The following DPM1 variants were observed in gnomAD, a reference collection of about 807,000 sequenced individuals.
The protein encoded by DPM1 is dolichyl-phosphate mannosyltransferase subunit 1, catalytic.
In DPM1, 27 loss-of-function variants were observed where a neutral mutation model predicts 39.0. That is an observed-to-expected ratio of 0.69 (90% CI 0.51 to 0.95). The LOEUF (loss-of-function observed/expected upper bound fraction) is 0.95, where lower values mean the gene tolerates loss of function less well. Among genes scored for constraint, DPM1 ranks in the 40% least tolerant of loss-of-function variants. The probability of loss-of-function intolerance (pLI) is 0.00; values close to 1 mark genes in which losing one functional copy is unlikely to be tolerated. For missense variants in DPM1, 307 were observed against 315.6 expected (o/e 0.97, Z 0.21); for synonymous variants, 124 against 109.0 (o/e 1.14, Z -0.86).
At chr20:50,938,518 G>A (rs1985412781) in intron 7 of DPM1, among the ~76,000 whole-genome samples, 3 of 151,410 alleles carry the variant, frequency 2.0e-5, no homozygotes, top group African/African-American at 7.3e-5. Flanking sequence ...GAGTAGCTGG[G>A]ACTACAGGCG....
intron 5 of DPM1, 67 bp from the exon 6 acceptor site, chr20:50,942,193 A>AC: frequency 7.2e-7 from 1 of 1,390,776 alleles, no homozygotes; most frequent in Non-Finnish European, 1.0e-6. Context: ...TTCATGAGCT[A>AC]CACAAACAAA....
chr20:50,937,911 C>G (rs1488765399), intron 7 of DPM1, among the ~76,000 whole-genome samples: 3 of 152,044 alleles, frequency 2.0e-5, no homozygotes, highest in Non-Finnish European at 4.4e-5. Context: ...CTCCTGGGCT[C>G]AAGATATCCT....
chr20:50,946,121 A>C (rs577270259), intron 3 of DPM1, among the ~76,000 whole-genome samples, 198 bp from the exon 4 acceptor site: 1 of 152,282 alleles, frequency 6.6e-6, no homozygotes, highest in East Asian at 1.9e-4. Context: ...CTGGCCACAC[A>C]CCCCCATTCA....
At chr20:50,941,575 G>A (rs543917267) in intron 6 of DPM1, among the ~76,000 whole-genome samples, 1 of 151,740 alleles carries the variant, frequency 6.6e-6, no homozygotes, top group African/African-American at 2.4e-5. Context: ...AGGCATGGTG[G>A]TGCAGGTCCA....
chr20:50,949,038 T>G (rs1986441974), intron 2 of DPM1, among the ~76,000 whole-genome samples: 1 of 152,122 alleles, frequency 6.6e-6, no homozygotes, highest in South Asian at 2.1e-4. Flanking sequence ...TTTTCGTATT[T>G]TTAGTAGAGA....
At chr20:50,941,494 C>CT (rs1329164506) in intron 6 of DPM1, among the ~76,000 whole-genome samples, 3 of 150,120 alleles carry the variant, frequency 2.0e-5, no homozygotes, top group Non-Finnish European at 3.0e-5. Flanking sequence ...GGCAGATCAC[C>CT]TGAGCTCAGG....
At chr20:50,936,410 T>C (rs926167244) in intron 7 of DPM1, 148 bp from the exon 8 acceptor site, 9 of 595,838 alleles carry the variant, frequency 1.5e-5, no homozygotes, top group South Asian at 1.2e-4. Flanking sequence ...TTGATGATTA[T>C]GATACATTTG....
intron 2 of DPM1, among the ~76,000 whole-genome samples, chr20:50,949,017 T>C (rs1010979152): frequency 6.6e-6 from 1 of 152,018 alleles, no homozygotes; most frequent in African/African-American, 2.4e-5. Flanking sequence ...TGCACCACCA[T>C]GCCCGGCTAA....
intron 1 of DPM1, among the ~76,000 whole-genome samples, chr20:50,956,886 G>A (rs1986851701): frequency 6.6e-6 from 1 of 152,164 alleles, no homozygotes; most frequent in South Asian, 2.1e-4. Flanking sequence ...ACCAAGCTGG[G>A]CTGACTTCAA....
At chr20:50,941,843 T>G (rs1174542693) in intron 6 of DPM1, among the ~76,000 whole-genome samples, 188 bp downstream of exon 6, 1 of 152,144 alleles carries the variant, frequency 6.6e-6, no homozygotes, top group Non-Finnish European at 1.5e-5. Flanking sequence ...TTATGCTGAT[T>G]TTTCCTTAAT....
chr20:50,957,080 AC>A (rs1300501706), intron 1 of DPM1, among the ~76,000 whole-genome samples: 98 of 152,326 alleles, frequency 6.4e-4, no homozygotes, highest in Non-Finnish European at 1.2e-3. Flanking sequence ...TATGATAGTT[AC>A]TTTCTTTAAT....
chr20:50,950,871 A>ACAAC (rs1986537645), intron 2 of DPM1, among the ~76,000 whole-genome samples: 1 of 151,766 alleles, frequency 6.6e-6, no homozygotes, highest in African/African-American at 2.4e-5. Context: ...TCCGTCTCAA[A>ACAAC]AAACAAACAA....
In DPM1 at chr20:50,945,943, C is replaced by T. The variant is rs368639812; in HGVS notation, c.296-20G>A. 39 of 1,601,020 alleles carry T rather than the reference C, an allele frequency of 2.4e-5. No individual in the cohort carries two copies. Among genetic ancestry groups the T allele is most frequent in the Non-Finnish European group, 3.3e-5 (38 of 1,169,154 alleles). On this transcript the variant is annotated intron_variant, in intron 3 of 8. Coordinates refer to ENST00000371588, the MANE Select transcript of DPM1 (RefSeq NM_003859.3). ...CAGTTCCTAAAAATGAAAGTAGATC[C>T]ATTCAAGAAAATCAACAGAAATCTT...
At chr20:50,942,001 TAATA>T in intron 6 of DPM1, 26 bp downstream of exon 6, 2 of 1,544,414 alleles carry the variant, frequency 1.3e-6, no homozygotes, top group Non-Finnish European at 1.8e-6. Flanking sequence ...GTAGTTATAC[TAATA>T]AAGAAGTTGT....
At chr20:50,942,396 C>T (rs1985919100) in intron 5 of DPM1, among the ~76,000 whole-genome samples, 1 of 151,934 alleles carries the variant, frequency 6.6e-6, no homozygotes, top group Admixed American at 6.6e-5. Context: ...ATCCCAGCTA[C>T]TCAGGAGGCT....
chr20:50,957,681 A>G lies in DPM1; in HGVS notation c.161+682T>C, dbSNP rs557228260. Among the ~76,000 whole-genome samples the G allele has an allele frequency of 1.7e-4, 26 of 152,372 alleles. 1 individual carries two copies. In the South Asian group the frequency reaches 5.2e-3, roughly 30 times the overall value. On this transcript the variant is annotated intron_variant, in intron 1 of 8. Transcript: ENST00000371588. ...ATTTGCTATGTTTGTACATGTTAAT[A>G]TGAGAAAAAGTCTTCAAAGATTTCA...
At position 50,958,454 on chromosome 20, in the gene DPM1, G is replaced by A. The variant is rs1171951332; in HGVS notation, c.70C>T (p.Gln24Ter). 1.9e-6 allele frequency: 3 copies of A among 1,614,110 alleles called. No homozygotes were observed. Among genetic ancestry groups the A allele is most frequent in the Non-Finnish European group, 2.5e-6 (3 of 1,180,036 alleles). Residue 24 changes from glutamine to a stop codon, truncating the protein, a stop_gained, in exon 1 of 9, where the codon CAG becomes TAG. Transcript: ENST00000371588. LOFTEE classifies it high-confidence loss of function. Reference sequence around the variant, plus strand: ...GGTAAAAGCACCGAATATTTGTTCTGTCGTGGACTGCGCACTTCCAGCTCC... The same window carrying A: ...GGTAAAAGCACCGAATATTTGTTCTATCGTGGACTGCGCACTTCCAGCTCC... Reference protein sequence around the residue: ...RRELEVRSPRQNKYSVLLPTY... With the variant: ...RRELEVRSPR
intron 2 of DPM1, among the ~76,000 whole-genome samples, chr20:50,953,975 A>T (rs6020865): frequency 0.065 from 9,877 of 152,218 alleles, 731 homozygotes; most frequent in African/African-American, 0.18. Context: ...GAAGGTTTTC[A>T]GAGAAGACTT....
intron 1 of DPM1, among the ~76,000 whole-genome samples, chr20:50,957,756 T>G (rs1986906674): frequency 6.6e-6 from 1 of 152,234 alleles, no homozygotes; most frequent in Non-Finnish European, 1.5e-5. Context: ...TCGTACTGAC[T>G]CCAGGATTTT....
Sources: gnomAD v4.1 joint callset for allele counts (sites outside exome capture counted in the v4.1 genomes callset) on GRCh38, gnomAD v4.1.1 for gene constraint, MANE v1.5 for transcripts, NCBI Gene and HGNC (gene_info 2026-07-23, HGNC 2026-07-21) for gene names.